NEGR1: variants seen among roughly 807,000 people sequenced by gnomAD.
NEGR1 encodes the protein neuronal growth regulator 1, also known as IgLON family member 4.
A neutral mutation model predicts 40.9 loss-of-function variants in NEGR1; 10 were observed. The ratio of observed to expected loss-of-function variants is 0.24; its 90% CI spans 0.15 to 0.42. The LOEUF is 0.42. Ranked by LOEUF, NEGR1 falls within the 10% of genes least tolerant of loss-of-function variation. The pLI is 1.00. For missense variants in NEGR1, 352 were observed against 438.9 expected, an observed-to-expected ratio of 0.80 and a Z score of 1.77; for synonymous variants, 185 against 166.8, an observed-to-expected ratio of 1.11 and a Z score of -0.84.
At chr1:72,029,781 A>C (rs1032086564) in intron 1 of NEGR1, among the ~76,000 whole-genome samples, 9 of 152,176 alleles carry the variant, frequency 5.9e-5, no homozygotes, top group Non-Finnish European at 8.8e-5. Context: ...GCAGAAAATC[A>C]TGTTTATGTA....
chr1:71,578,939 C>T (rs1209232113), intron 6 of NEGR1, among the ~76,000 whole-genome samples: 4 of 151,970 alleles, frequency 2.6e-5, no homozygotes, highest in African/African-American at 7.2e-5. Flanking sequence ...TATCAAAAGT[C>T]GTAGAGAATT....
rs17092275 is a variant in NEGR1 at position 72,060,109 on chromosome 1, T to C, written c.177-124798A>G. Among the ~76,000 whole-genome samples the C allele has an allele frequency of 4.6e-3, 699 of 151,766 alleles. 17 individuals are homozygous for C. The highest frequency in any genetic ancestry group is 0.042 in the Admixed American group (633 of 15,166). Reference sequence around the variant, plus strand: ...AGTTCATATTCATGAAGTGGCAAAATTGCTTTTAGGAAATTACGATATTAA... The same window carrying C: ...AGTTCATATTCATGAAGTGGCAAAACTGCTTTTAGGAAATTACGATATTAA... On this transcript the variant is annotated intron_variant, in intron 1 of 6. Transcript: ENST00000357731.
chr1:71,961,838 G>A (rs1372682994), intron 1 of NEGR1, among the ~76,000 whole-genome samples: 1 of 152,074 alleles, frequency 6.6e-6, no homozygotes, highest in Non-Finnish European at 1.5e-5. Flanking sequence ...AATGGACTTA[G>A]TTTGAAATTC....
intron 6 of NEGR1, among the ~76,000 whole-genome samples, chr1:71,547,861 C>T (rs1003527522): frequency 1.2e-4 from 18 of 151,800 alleles, no homozygotes; most frequent in Non-Finnish European, 1.0e-4. Flanking sequence ...TGCTGGTATA[C>T]AACTTTGCTC....
intron 1 of NEGR1, among the ~76,000 whole-genome samples, chr1:72,167,792 A>C (rs1651818336): frequency 6.6e-6 from 1 of 151,998 alleles, no homozygotes; most frequent in Admixed American, 6.6e-5. Context: ...ATCCTTCTGT[A>C]AAATGTTAAG....
rs374085351 is a variant in NEGR1, at chr1:71,928,400, ATATGTG to A, written c.409+6673_409+6678del. Among the ~76,000 whole-genome samples the A allele has an allele frequency of 8.8e-4, 117 of 132,578 alleles. 12 individuals are homozygous for A. Among genetic ancestry groups the A allele is most frequent in the South Asian group, 2.8e-3 (12 of 4,336 alleles). The allele number at this position is 132,578 out of a possible 152,430, so 87.0% of individuals were successfully genotyped here. The stretch of plus-strand genomic sequence containing the variant: ...TATGTATATATACACACATATGTAT[ATATGTG>A]TATGTATATATACACACATATGTAT... On this transcript the variant is annotated intron_variant, in intron 2 of 6. Transcript: ENST00000357731.
At chr1:71,513,316 A>G (rs1647090173) in intron 6 of NEGR1, among the ~76,000 whole-genome samples, 1 of 152,196 alleles carries the variant, frequency 6.6e-6, no homozygotes, top group African/African-American at 2.4e-5. Context: ...AGTTATGAGG[A>G]AAAGCACACA....
At chr1:71,490,746 A>G (rs1646922122) in intron 6 of NEGR1, among the ~76,000 whole-genome samples, 1 of 152,026 alleles carries the variant, frequency 6.6e-6, no homozygotes, top group African/African-American at 2.4e-5. Context: ...TCCTTTGGCC[A>G]TTGATGTATC....
chr1:71,445,871 G>A (rs183185193), intron 6 of NEGR1, among the ~76,000 whole-genome samples: 5 of 152,120 alleles, frequency 3.3e-5, no homozygotes, highest in East Asian at 1.9e-4. Flanking sequence ...GTGATATTCC[G>A]GTGCTAAAGC....
At chr1:71,978,708 T>C (rs1177711853) in intron 1 of NEGR1, among the ~76,000 whole-genome samples, 7 of 151,854 alleles carry the variant, frequency 4.6e-5, no homozygotes, top group Non-Finnish European at 1.5e-5. Context: ...AAAAATAACA[T>C]GCTAGCAAGG....
intron 5 of NEGR1, among the ~76,000 whole-genome samples, chr1:71,605,878 T>A (rs1237254221): frequency 1.3e-5 from 2 of 152,176 alleles, no homozygotes; most frequent in Non-Finnish European, 2.9e-5. Flanking sequence ...GTATATAGCA[T>A]TAGCCACTCT....
At chr1:72,028,495 G>A (rs1646830856) in intron 1 of NEGR1, among the ~76,000 whole-genome samples, 1 of 152,154 alleles carries the variant, frequency 6.6e-6, no homozygotes, top group Admixed American at 6.6e-5. Context: ...TCTGCCTACA[G>A]AATAAAGATA....
rs546123148 is a variant in NEGR1 at position 72,031,234 on chromosome 1, A to C, written c.177-95923T>G. ...TAAGAGACACTACTTGGATTAAAGC[A>C]GTGATTTTAGAATTGTTTCATGAAA... On this transcript the variant is annotated intron_variant, in intron 1 of 6. Coordinates refer to ENST00000357731, the MANE Select transcript of NEGR1 (RefSeq NM_173808.3). Among the ~76,000 whole-genome samples, 145 of 152,322 alleles carry C rather than the reference A, an allele frequency of 9.5e-4. 1 individual carries two copies. Among genetic ancestry groups the C allele is most frequent in the Admixed American group, 1.2e-3 (19 of 15,302 alleles).
intron 3 of NEGR1, among the ~76,000 whole-genome samples, chr1:71,707,486 T>C (rs1005658325): frequency 2.6e-5 from 4 of 152,138 alleles, no homozygotes; most frequent in African/African-American, 9.7e-5. Flanking sequence ...CAGAATACAA[T>C]AGAAGATCAG....
intron 3 of NEGR1, among the ~76,000 whole-genome samples, chr1:71,699,463 T>C (rs1310628910): frequency 6.6e-6 from 1 of 151,840 alleles, no homozygotes; most frequent in Non-Finnish European, 1.5e-5. Context: ...ACTTCTGAAG[T>C]GGTAGTTGGC....
rs911900490 is a variant in NEGR1 at position 71,396,893 on chromosome 1, T to C, written c.*10553A>G. ...TCAGCAGTGTGAAAACTGACTAATATAGTAAATTAGTATCAGGAGTGGAGT... is the reference window on the plus strand; with the variant it reads ...TCAGCAGTGTGAAAACTGACTAATACAGTAAATTAGTATCAGGAGTGGAGT... On this transcript the variant is annotated 3_prime_UTR_variant, in exon 7 of 7. Transcript: ENST00000357731. 6.5e-6 allele frequency: 1 copy of C among 153,748 alleles called. No individual in the cohort carries two copies. The highest frequency in any genetic ancestry group is 1.4e-5 in the Non-Finnish European group (1 of 69,216). 9.5% of individuals were successfully genotyped at this position (153,748 alleles called of 1,614,324 possible).
intron 4 of NEGR1, among the ~76,000 whole-genome samples, chr1:71,674,787 C>T (rs773580344): frequency 1.3e-5 from 2 of 152,036 alleles, no homozygotes; most frequent in African/African-American, 2.4e-5. Context: ...GAAAGGGCTT[C>T]TCTGAACATG....
intron 6 of NEGR1, among the ~76,000 whole-genome samples, chr1:71,523,355 G>T (rs545815900): frequency 1.3e-5 from 2 of 151,844 alleles, no homozygotes; most frequent in Non-Finnish European, 2.9e-5. Flanking sequence ...GGGTTGTTGG[G>T]TAAGTTGTTC....
chr1:71,729,661 G>C (rs1327028212), intron 3 of NEGR1, among the ~76,000 whole-genome samples: 1 of 152,072 alleles, frequency 6.6e-6, no homozygotes. Context: ...TTTTTAGACA[G>C]AGTGTTGCTA....
Sources: gnomAD v4.1 joint callset for allele counts (sites outside exome capture counted in the v4.1 genomes callset) on GRCh38, gnomAD v4.1.1 for gene constraint, MANE v1.5 for transcripts, NCBI Gene and HGNC (gene_info 2026-07-23, HGNC 2026-07-21) for gene names.